Variants in NR6A1 observed in about 807,000 individuals in gnomAD.
NR6A1 encodes nuclear receptor subfamily 6 group A member 1, also known as retinoic acid receptor-related testis-associated receptor.
NR6A1 carries 7 observed loss-of-function variants against 59.1 expected under a neutral mutation model. The observed-to-expected ratio is 0.12, with a 90% CI of 0.07 to 0.22. The LOEUF (loss-of-function observed/expected upper bound fraction) is 0.22. Among genes scored for constraint, NR6A1 ranks in the 10% least tolerant of loss-of-function variants. The pLI, the probability that NR6A1 is intolerant of heterozygous loss-of-function variation, is 1.00. For missense variants in NR6A1, 468 were observed against 611.6 expected, an observed-to-expected ratio of 0.77 and a Z score of 2.48; for synonymous variants, 243 against 236.1, an observed-to-expected ratio of 1.03 and a Z score of -0.27.
chr9:124,668,771 A>G (rs1837702628), intron 2 of NR6A1, among the ~76,000 whole-genome samples: 2 of 152,202 alleles, frequency 1.3e-5, no homozygotes, highest in Non-Finnish European at 2.9e-5. Flanking sequence ...ATCACTGTCC[A>G]TATTTCTGAC....
intron 2 of NR6A1, among the ~76,000 whole-genome samples, chr9:124,576,444 C>A (rs1319116728): frequency 6.6e-6 from 1 of 152,112 alleles, no homozygotes; most frequent in African/African-American, 2.4e-5. Context: ...CGTGCCACCA[C>A]GCCCAGCTAA....
intron 2 of NR6A1, among the ~76,000 whole-genome samples, chr9:124,558,975 A>C (rs192779278): frequency 3.9e-5 from 6 of 152,282 alleles, no homozygotes; most frequent in Admixed American, 3.9e-4. Context: ...GAAGTGTATA[A>C]GTGTATTTAT....
At chr9:124,696,911 G>A (rs967926475) in intron 2 of NR6A1, among the ~76,000 whole-genome samples, 2 of 152,186 alleles carry the variant, frequency 1.3e-5, no homozygotes, top group Non-Finnish European at 2.9e-5. Context: ...ACCCGCCTCA[G>A]CCTCCCAAAG....
In NR6A1 at chr9:124,522,809, GAGA is replaced by G. The variant is rs1208175715; in HGVS notation, c.1355-19_1355-17del. On this transcript the variant is annotated splice_polypyrimidine_tract_variant and intron_variant, in intron 9 of 9. Coordinates refer to ENST00000487099, the MANE Select transcript of NR6A1 (RefSeq NM_033334.4). ...ACCATCTTTCCTGGGAACAAGGGGG[GAGA>G]AGAAGAGTTAGCAGTGGTCACTCTA... 2.6e-5 allele frequency: 41 copies of G among 1,565,060 alleles called. No homozygotes were observed. The highest frequency in any genetic ancestry group is 3.4e-5 in the Non-Finnish European group (39 of 1,154,374).
At chr9:124,742,285 G>A (rs1028519860) in intron 1 of NR6A1, among the ~76,000 whole-genome samples, 4 of 152,156 alleles carry the variant, frequency 2.6e-5, no homozygotes, top group Admixed American at 2.0e-4. Flanking sequence ...AAAAGAGGCC[G>A]GGCACGGTGG....
At chr9:124,721,342 T>A (rs1264216875) in intron 2 of NR6A1, among the ~76,000 whole-genome samples, 1 of 152,118 alleles carries the variant, frequency 6.6e-6, no homozygotes, top group Non-Finnish European at 1.5e-5. Flanking sequence ...AAGCTCTGGA[T>A]CTCATACCAC....
chr9:124,566,518 T>C (rs867028697), intron 2 of NR6A1, among the ~76,000 whole-genome samples: 65 of 152,326 alleles, frequency 4.3e-4, no homozygotes, highest in South Asian at 1.7e-3. Flanking sequence ...AATATTGATG[T>C]TGCATAGAGA....
chr9:124,676,456 C>T (rs1837964913), intron 2 of NR6A1, among the ~76,000 whole-genome samples: 1 of 152,008 alleles, frequency 6.6e-6, no homozygotes, highest in Admixed American at 6.6e-5. Context: ...AAAAAATGAC[C>T]TACATATAGC....
intron 2 of NR6A1, among the ~76,000 whole-genome samples, chr9:124,616,744 T>C (rs1415169104): frequency 6.6e-6 from 1 of 152,062 alleles, no homozygotes; most frequent in African/African-American, 2.4e-5. Context: ...TTAGAATGAG[T>C]AACAGTGAAA....
chr9:124,573,499 A>C (rs1384600527), intron 2 of NR6A1, among the ~76,000 whole-genome samples: 2 of 152,322 alleles, frequency 1.3e-5, no homozygotes, highest in African/African-American at 4.8e-5. Context: ...CTTTCACAGA[A>C]GACAACAACA....
chr9:124,617,381 A>G (rs1835927153), intron 2 of NR6A1, among the ~76,000 whole-genome samples: 2 of 152,144 alleles, frequency 1.3e-5, no homozygotes, highest in African/African-American at 4.8e-5. Context: ...TGTCTTTTAT[A>G]TAGTCAATTT....
At chr9:124,769,444 G>T (rs886678583) in intron 1 of NR6A1, among the ~76,000 whole-genome samples, 2 of 152,128 alleles carry the variant, frequency 1.3e-5, no homozygotes, top group African/African-American at 4.8e-5. Context: ...GATTTCCACC[G>T]TCTGTAGCTA....
chr9:124,657,170 T>C (rs550821953), intron 2 of NR6A1, among the ~76,000 whole-genome samples: 16 of 152,310 alleles, frequency 1.1e-4, no homozygotes, highest in Non-Finnish European at 1.6e-4. Context: ...TTATATCTAA[T>C]AGTGCATCAA....
At chr9:124,525,690 T>C (rs866516014) in intron 8 of NR6A1, among the ~76,000 whole-genome samples, 5 of 149,828 alleles carry the variant, frequency 3.3e-5, no homozygotes, top group Admixed American at 1.3e-4. Flanking sequence ...TCTCTCTCTC[T>C]CTCTCTCTCT....
chr9:124,718,588 G>T (rs1440611437), intron 2 of NR6A1, among the ~76,000 whole-genome samples: 1 of 152,118 alleles, frequency 6.6e-6, no homozygotes, highest in Non-Finnish European at 1.5e-5. Flanking sequence ...TTTTTTAAAT[G>T]CATGTCTTTT....
intron 1 of NR6A1, among the ~76,000 whole-genome samples, chr9:124,746,601 G>GA (rs945831077): frequency 9.9e-4 from 146 of 148,110 alleles, no homozygotes; most frequent in Middle Eastern, 3.5e-3. Context: ...AAAGGAAAAA[G>GA]AAAAAAAAAC....
intron 1 of NR6A1, among the ~76,000 whole-genome samples, chr9:124,740,974 G>A (rs1026847295): frequency 6.6e-6 from 1 of 152,144 alleles, no homozygotes; most frequent in Non-Finnish European, 1.5e-5. Flanking sequence ...CCACTACAAT[G>A]AATTTCTTGC....
At chr9:124,765,417 C>T (rs1267996826) in intron 1 of NR6A1, among the ~76,000 whole-genome samples, 2 of 152,078 alleles carry the variant, frequency 1.3e-5, no homozygotes, top group Non-Finnish European at 2.9e-5. Context: ...TCTATTTAGA[C>T]GTAAGAATTT....
At chr9:124,676,823 T>C (rs1343225913) in intron 2 of NR6A1, among the ~76,000 whole-genome samples, 2 of 152,188 alleles carry the variant, frequency 1.3e-5, no homozygotes, top group East Asian at 3.8e-4. Context: ...ATATCAGATA[T>C]ATGGCAAGTC....
Sources: gnomAD v4.1 joint callset for allele counts (sites outside exome capture counted in the v4.1 genomes callset) on GRCh38, gnomAD v4.1.1 for gene constraint, MANE v1.5 for transcripts, NCBI Gene and HGNC (gene_info 2026-07-23, HGNC 2026-07-21) for gene names.